Variants in SLC39A4 observed in about 807,000 individuals in gnomAD.
The protein encoded by SLC39A4 is solute carrier family 39 member 4.
SLC39A4 carries 49 observed loss-of-function variants against 56.6 expected under a neutral mutation model. The observed-to-expected ratio is 0.87, with a 90% confidence interval of 0.69 to 1.10. SLC39A4 has a LOEUF of 1.10. Ranked by LOEUF, SLC39A4 falls within the 50% of genes least tolerant of loss-of-function variation. The pLI, the probability that SLC39A4 is intolerant of heterozygous loss-of-function variation, is 0.00. For synonymous variants in SLC39A4, 540 were observed against 420.4 expected (o/e 1.28, Z -3.48); for missense variants, 993 against 864.2 (o/e 1.15, Z -1.87).
chr8:144,415,239 T>C lies in SLC39A4; in HGVS notation c.655A>G (p.Met219Val). ...VFQQHSSEVP[M>V]TLAELSALMQ... ...GCCCAGGCCTCACCGGCCAGCGTCA[T>C]AGGGACCTCGCTGCTGTGCTGCTGG... Residue 219 changes from methionine to valine, a missense_variant, in exon 3 of 12, where the codon ATG (methionine) becomes GTG (valine). Physicochemically the swap from Met to Val is conservative, Grantham distance 21. Coordinates refer to ENST00000301305, the MANE Select transcript of SLC39A4 (RefSeq NM_130849.4). The C allele has an allele frequency of 6.2e-7, 1 of 1,612,986 alleles. No individual in the cohort carries two copies. Among genetic ancestry groups the C allele is most frequent in the Non-Finnish European group, 8.5e-7 (1 of 1,179,832 alleles).
chr8:144,412,689 GTCAGCGCCCCTGC>G, intron 11 of SLC39A4, 23 bp from the exon 12 acceptor site: 1 of 1,613,626 alleles, frequency 6.2e-7, no homozygotes, highest in Non-Finnish European at 8.5e-7. Flanking sequence ...TGGGCACCGG[GTCAGCGCCCCTGC>G]TCAGCTCCTC....
Position 144,415,901 on chromosome 8 carries a change from G to T in SLC39A4, c.383C>A (p.Ala128Asp). The T allele has an allele frequency of 6.3e-7, 1 of 1,595,910 alleles. No individual in the cohort carries two copies. Residue 128 changes from alanine to aspartate, a missense_variant, in exon 2 of 12, where the codon GCC (alanine) becomes GAC (aspartate). Physicochemically the swap from Ala to Asp is moderately radical, Grantham distance 126. Coordinates refer to ENST00000301305, the MANE Select transcript of SLC39A4 (RefSeq NM_130849.4). ...LWASHADHLL[A>D]LLESPKALTP... is the part of the protein sequence containing the mutation. Reference sequence around the variant, plus strand: ...CAGGGCCTTGGGGCTCTCGAGCAGGGCCAGGAGGTGGTCTGCATGAGAGGC... The same window carrying T: ...CAGGGCCTTGGGGCTCTCGAGCAGGTCCAGGAGGTGGTCTGCATGAGAGGC...
intron 2 of SLC39A4, 64 bp from the exon 3 acceptor site, chr8:144,415,483 C>G (rs1323341297): frequency 4.4e-5 from 66 of 1,499,010 alleles, no homozygotes; most frequent in Non-Finnish European, 5.6e-5. Context: ...CCCCGCTGCC[C>G]CTGGATGCAT....
chr8:144,416,271 G>T, intron 1 of SLC39A4, 180 bp from the exon 2 acceptor site: 1 of 1,548,302 alleles, frequency 6.5e-7, no homozygotes, highest in East Asian at 2.3e-5. Flanking sequence ...CCCAACTACA[G>T]GGGTGCACGC....
rs199536760 is a variant in SLC39A4 at position 144,414,005 on chromosome 8, A to G, written c.1240T>C (p.Phe414Leu). The G allele has an allele frequency of 6.9e-6, 11 of 1,605,678 alleles. No homozygotes were observed. In the East Asian group the frequency reaches 2.5e-4, roughly 36 times the overall value. The change falls in exon 7 of 12, where the codon TTC becomes CTC. Residue 414 changes from phenylalanine (F) to leucine (L), a missense_variant. By Grantham distance (22) the Phe-to-Leu change is conservative. Transcript: ENST00000301305. ...AGATTGAAGAGGTTCTCAAACAGGA[A>G]GAAGGCGTAGAGCCCGGCCAGCATA... The part of the protein sequence containing the change: ...LAMLAGLYAF[F>L]LFENLFNLLL...
At chr8:144,413,195 T>C in intron 10 of SLC39A4, 42 bp downstream of exon 10, 2 of 1,373,692 alleles carry the variant, frequency 1.5e-6, no homozygotes, top group Non-Finnish European at 2.0e-6. Context: ...CCCAGCCCCG[T>C]GCGGCCCCGC....
At position 144,413,795 on chromosome 8, in the gene SLC39A4, C is replaced by A; in HGVS notation, c.1374G>T (p.Glu458Asp). Residue 458 changes from glutamate to aspartate, a missense_variant, in exon 8 of 12, where the codon GAG becomes GAT. Coordinates refer to ENST00000301305, the MANE Select transcript of SLC39A4 (RefSeq NM_130849.4). ...CGTGGGGGGGCTTGGGCTGCCGGAG[C>A]TCGCTGGGTGCCAGCTGCAGGGACA... ...HGVSLQLAPS[E>D]LRQPKPPHEG... The A allele has an allele frequency of 1.9e-6, 3 of 1,558,206 alleles. No individual in the cohort carries two copies. Among genetic ancestry groups the A allele is most frequent in the Non-Finnish European group, 2.6e-6 (3 of 1,157,324 alleles).
In SLC39A4 at chr8:144,416,694, G is replaced by A; in HGVS notation, c.96C>T (p.Leu32=). The A allele has an allele frequency of 6.2e-7, 1 of 1,612,458 alleles. No homozygotes were observed. Among genetic ancestry groups the A allele is most frequent in the East Asian group, 2.2e-5 (1 of 44,862 alleles). ...GATCCAGAGCGCCCTGGCCAGAGGT[G>A]AGCAGGCTCAGCAGACCAGCAGGCG... ...ASPPAGLLSL[L]TSGQGALDQE... The change falls in exon 1 of 12, where the codon CTC becomes CTT. Residue 32 remains leucine (L), a synonymous_variant. Coordinates refer to ENST00000301305, the MANE Select transcript of SLC39A4 (RefSeq NM_130849.4).
chr8:144,412,564 G>C lies in SLC39A4; in HGVS notation c.1918C>G (p.Leu640Val). ...CAGAAGGTGATGTCATCCTCGTACA[G>C]GGACAGCAGCAGCAGGACGGTCCAG... ...GGWTVLLLLS[L>V]YEDDITF Residue 640 changes from leucine to valine, a missense_variant, in exon 12 of 12, where the codon CTG (leucine) becomes GTG (valine). Physicochemically the swap from Leu to Val is conservative, Grantham distance 32. Coordinates refer to ENST00000301305, the MANE Select transcript of SLC39A4 (RefSeq NM_130849.4). 1 of 1,614,198 alleles carries C rather than the reference G, an allele frequency of 6.2e-7. No homozygotes were observed. Among genetic ancestry groups the C allele is most frequent in the South Asian group, 1.1e-5 (1 of 91,086 alleles).
rs1554871889 is a variant in SLC39A4 at position 144,412,739 on chromosome 8, C to T, written c.1815+20G>A. On this transcript the variant is annotated intron_variant, in intron 11 of 11. Transcript: ENST00000301305. ...GCTCAGCTCCCGGCCCAGAGCAGCC[C>T]CTCCCCTCGCCATCCTGACCATGTC... 3 of 1,613,336 alleles carry T rather than the reference C, an allele frequency of 1.9e-6. No homozygotes were observed. Among genetic ancestry groups the T allele is most frequent in the African/African-American group, 1.3e-5 (1 of 75,044 alleles).
At chr8:144,415,712 G>A (rs1822151273) in intron 2 of SLC39A4, 98 bp downstream of exon 2, 1 of 1,431,970 alleles carries the variant, frequency 7.0e-7, no homozygotes, top group Non-Finnish European at 9.2e-7. Flanking sequence ...GTCTCCCCAG[G>A]CCCCCAGGCT....
chr8:144,416,430 T>C (rs1390486060), intron 1 of SLC39A4, 168 bp downstream of exon 1: 26 of 1,448,048 alleles, frequency 1.8e-5, no homozygotes, highest in Non-Finnish European at 2.2e-5. Flanking sequence ...TCTGCCCTCA[T>C]GAGCAGGAGG....
At position 144,414,386 on chromosome 8, in the gene SLC39A4, A is replaced by G. The variant is rs1817133842; in HGVS notation, c.1025T>C (p.Val342Ala). Residue 342 changes from valine (V) to alanine (A), a missense_variant, in exon 6 of 12, where the codon GTC becomes GCC. Transcript: ENST00000301305. ...LATLLICLCA[V>A]FGLLLLTCTG... ...GCAGGTCAGCAGCAGGAGGCCAAAG[A>G]CCGCGCAGAGGCAGATGAGCAGCGT... 2 of 1,578,036 alleles carry G rather than the reference A, an allele frequency of 1.3e-6. No homozygotes were observed. The highest frequency in any genetic ancestry group is 1.9e-5 in the Admixed American group (1 of 52,468).
chr8:144,413,797 C>T lies in SLC39A4; in HGVS notation c.1372G>A (p.Glu458Lys). The part of the protein sequence containing the change: ...HGVSLQLAPS[E>K]LRQPKPPHEG... The stretch of plus-strand genomic sequence containing the variant: ...TGGGGGGGCTTGGGCTGCCGGAGCT[C>T]GCTGGGTGCCAGCTGCAGGGACACA... The change falls in exon 8 of 12, where the codon GAG becomes AAG. Residue 458 changes from glutamate (E) to lysine (K), a missense_variant. Physicochemically the swap from Glu to Lys is moderately conservative, Grantham distance 56 (BLOSUM62 1). Transcript: ENST00000301305. The T allele has an allele frequency of 1.3e-6, 2 of 1,560,034 alleles. No individual in the cohort carries two copies. Among genetic ancestry groups the T allele is most frequent in the South Asian group, 1.2e-5 (1 of 85,828 alleles).
At chr8:144,416,329 A>G (rs1404454271) in intron 1 of SLC39A4, 8 of 1,477,156 alleles carry the variant, frequency 5.4e-6, no homozygotes, top group Non-Finnish European at 7.2e-6. Context: ...ACTCCCCTGG[A>G]GCCACTGCCA....
chr8:144,413,065 G>A, intron 10 of SLC39A4, 119 bp from the exon 11 acceptor site: 1 of 1,327,424 alleles, frequency 7.5e-7, no homozygotes, highest in Admixed American at 2.2e-5. Flanking sequence ...TCCCCGCCCA[G>A]CCGTCAGATC....
At chr8:144,414,236 A>T in intron 6 of SLC39A4, 26 bp downstream of exon 6, 1 of 1,603,478 alleles carries the variant, frequency 6.2e-7, no homozygotes. Context: ...ACGGAGGGCC[A>T]GGGTCGCGGG....
At chr8:144,413,198 G>T (rs1554872201) in intron 10 of SLC39A4, 39 bp downstream of exon 10, 1 of 1,526,102 alleles carries the variant, frequency 6.6e-7, no homozygotes, top group Non-Finnish European at 8.8e-7. Context: ...AGCCCCGTGC[G>T]GCCCCGCCCA....
At chr8:144,413,171 T>G in intron 10 of SLC39A4, 66 bp downstream of exon 10, 1 of 1,493,466 alleles carries the variant, frequency 6.7e-7, no homozygotes. Context: ...GCCCACCTGT[T>G]CCAGGTCTCC....
Sources: gnomAD v4.1 joint callset for allele counts on GRCh38, gnomAD v4.1.1 for gene constraint, MANE v1.5 for transcripts, NCBI Gene and HGNC (gene_info 2026-07-23, HGNC 2026-07-21) for gene names.